Variants in NAALADL2 observed in about 807,000 individuals in gnomAD.
NAALADL2 encodes N-acetylated alpha-linked acidic dipeptidase like 2.
NAALADL2 carries 76 observed loss-of-function variants against 87.2 expected under a neutral mutation model. The observed-to-expected ratio is 0.87, with a 90% confidence interval of 0.72 to 1.05. The LOEUF is 1.05. Among genes scored for constraint, NAALADL2 ranks in the 50% least tolerant of loss-of-function variants. The probability of loss-of-function intolerance (pLI) is 0.00; values close to 1 mark genes in which losing one functional copy is unlikely to be tolerated. For missense variants in NAALADL2, 1,089 were observed against 945.8 expected (o/e 1.15, Z -1.99); for synonymous variants, 354 against 331.0 (o/e 1.07, Z -0.75).
chr3:175,401,799 C>A (rs995101341), intron 5 of NAALADL2, among the ~76,000 whole-genome samples: 1 of 152,070 alleles, frequency 6.6e-6, no homozygotes, highest in African/African-American at 2.4e-5. Flanking sequence ...ATTTTTCAGT[C>A]TGAGACACAA....
chr3:175,070,085 C>G (rs1295031295), intron 1 of NAALADL2, among the ~76,000 whole-genome samples: 1 of 150,038 alleles, frequency 6.7e-6, no homozygotes, highest in South Asian at 2.1e-4. Context: ...ATGGGTGCAG[C>G]ACACCAGCAT....
At chr3:175,610,284 A>G (rs762726867) in intron 10 of NAALADL2, among the ~76,000 whole-genome samples, 2 of 152,152 alleles carry the variant, frequency 1.3e-5, no homozygotes, top group Non-Finnish European at 2.9e-5. Flanking sequence ...AATGGCATTT[A>G]TCTACATTTC....
At chr3:174,493,476 C>T (rs1350695707) in intron 1 of NAALADL2, among the ~76,000 whole-genome samples, 3 of 152,124 alleles carry the variant, frequency 2.0e-5, no homozygotes, top group African/African-American at 7.2e-5. Flanking sequence ...CCCCATAGTC[C>T]TCAGAAGGAA....
At chr3:174,935,105 A>G (rs1737493532) in intron 1 of NAALADL2, among the ~76,000 whole-genome samples, 1 of 152,208 alleles carries the variant, frequency 6.6e-6, no homozygotes, top group African/African-American at 2.4e-5. Flanking sequence ...CACAAATTCA[A>G]AGAACATTCT....
intron 13 of NAALADL2, among the ~76,000 whole-genome samples, chr3:175,796,917 T>G (rs2108323946): frequency 6.6e-6 from 1 of 152,118 alleles, no homozygotes. Context: ...TATGAAGATT[T>G]TAGTTGCCTT....
intron 5 of NAALADL2, among the ~76,000 whole-genome samples, chr3:175,400,103 G>T (rs1770377991): frequency 1.3e-5 from 2 of 152,038 alleles, no homozygotes; most frequent in Non-Finnish European, 2.9e-5. Context: ...TATGAAAAGG[G>T]ACTGAACTGA....
At chr3:175,541,893 G>A (rs1712404881) in intron 9 of NAALADL2, among the ~76,000 whole-genome samples, 1 of 152,112 alleles carries the variant, frequency 6.6e-6, no homozygotes, top group South Asian at 2.1e-4. Context: ...GCTAATTTTT[G>A]TACTTTTAGA....
In NAALADL2 at chr3:175,466,742, G is replaced by A. The variant is rs148975511; in HGVS notation, c.1328-237G>A. Among the ~76,000 whole-genome samples, 109 of 152,252 alleles carry A rather than the reference G, an allele frequency of 7.2e-4. 4 individuals are homozygous for A. The highest frequency in any genetic ancestry group is 1.8e-3 in the African/African-American group (74 of 41,540). On this transcript the variant is annotated intron_variant, in intron 7 of 13. Transcript: ENST00000454872. ...CATTAATTAATATTCATGTTCTAAA[G>A]GAGAGTAATATGGATCTAAGCTTTG... is the stretch of plus-strand genomic sequence containing the variant.
At chr3:174,481,035 C>G (rs1182477664) in intron 1 of NAALADL2, among the ~76,000 whole-genome samples, 1 of 151,870 alleles carries the variant, frequency 6.6e-6, no homozygotes, top group Non-Finnish European at 1.5e-5. Context: ...AGCCAGTGAG[C>G]CTATAAGAAA....
At chr3:175,137,692 T>G (rs917781732) in intron 2 of NAALADL2, among the ~76,000 whole-genome samples, 1 of 151,438 alleles carries the variant, frequency 6.6e-6, no homozygotes, top group Non-Finnish European at 1.5e-5. Flanking sequence ...TGCTACCTCC[T>G]GGGTTCAAGT....
At chr3:175,683,312 A>C (rs979374475) in intron 11 of NAALADL2, among the ~76,000 whole-genome samples, 2 of 151,998 alleles carry the variant, frequency 1.3e-5, no homozygotes, top group African/African-American at 4.8e-5. Context: ...AATTTTGGTC[A>C]AATTTAGCAC....
chr3:174,735,409 A>G (rs1733099214), intron 2 of NAALADL2, among the ~76,000 whole-genome samples: 1 of 152,206 alleles, frequency 6.6e-6, no homozygotes, highest in African/African-American at 2.4e-5. Context: ...AGAGATTCAG[A>G]AATTATCCAA....
At chr3:174,903,059 A>C in intron 1 of NAALADL2, among the ~76,000 whole-genome samples, 1 of 151,866 alleles carries the variant, frequency 6.6e-6, no homozygotes, top group East Asian at 1.9e-4. Context: ...CTAATTTCTC[A>C]AGTTTTCCCC....
intron 5 of NAALADL2, among the ~76,000 whole-genome samples, chr3:175,380,986 C>T (rs1311860384): frequency 6.6e-6 from 1 of 151,884 alleles, no homozygotes; most frequent in Non-Finnish European, 1.5e-5. Flanking sequence ...TTACCCTTTA[C>T]TGTATAAGAC....
At chr3:174,778,745 T>C (rs931209583) in intron 3 of NAALADL2, among the ~76,000 whole-genome samples, 2 of 152,154 alleles carry the variant, frequency 1.3e-5, no homozygotes, top group Non-Finnish European at 2.9e-5. Context: ...TTTCTGTTCC[T>C]GTGTTAGTTT....
At position 174,543,653 on chromosome 3, in the gene NAALADL2, A is replaced by C. The variant is rs193118307; in HGVS notation, c.-183-6916A>C. Among the ~76,000 whole-genome samples, 1,169 of 152,152 alleles carry C rather than the reference A, an allele frequency of 7.7e-3. 5 individuals carry two copies. Among genetic ancestry groups the C allele is most frequent in the Non-Finnish European group, 0.012 (830 of 67,988 alleles). On this transcript the variant is annotated intron_variant, in intron 1 of 3. Coordinates refer to the NAALADL2 transcript ENST00000434257. ...CAAAATTTTAGGGTGTATTTTACTA[A>C]AGTAAAATGAATCAAAATAATCATG... is the stretch of plus-strand genomic sequence containing the variant.
chr3:174,614,426 G>C (rs1159208059), intron 2 of NAALADL2, among the ~76,000 whole-genome samples: 1 of 152,124 alleles, frequency 6.6e-6, no homozygotes, highest in Non-Finnish European at 1.5e-5. Flanking sequence ...TTCTTCCATG[G>C]GTGAGCATCA....
At chr3:175,261,358 C>G (rs997308125) in intron 4 of NAALADL2, among the ~76,000 whole-genome samples, 1 of 151,998 alleles carries the variant, frequency 6.6e-6, no homozygotes, top group Non-Finnish European at 1.5e-5. Flanking sequence ...GCAATAATAA[C>G]AAAAAGTTAC....
At chr3:174,546,480 A>G (rs1007685025) in intron 1 of NAALADL2, among the ~76,000 whole-genome samples, 1 of 152,120 alleles carries the variant, frequency 6.6e-6, no homozygotes, top group Non-Finnish European at 1.5e-5. Flanking sequence ...CTTGATTTTC[A>G]TAATACCTGG....
Sources: allele counts gnomAD v4.1 joint callset (sites outside exome capture counted in the v4.1 genomes callset), GRCh38; gene constraint gnomAD v4.1.1; transcripts MANE v1.5; gene names NCBI Gene and HGNC (gene_info 2026-07-23, HGNC 2026-07-21).